Variants in WDFY3 observed in about 807,000 individuals in gnomAD.
WDFY3 encodes WD repeat and FYVE domain-containing protein 3.
WDFY3 carries 66 observed loss-of-function variants against 409.6 expected under a neutral mutation model. That is an observed-to-expected ratio of 0.16 (90% CI 0.13 to 0.20). The LOEUF (loss-of-function observed/expected upper bound fraction) is 0.20. Among genes scored for constraint, WDFY3 ranks in the 10% least tolerant of loss-of-function variants. The probability of loss-of-function intolerance (pLI) is 1.00; values close to 1 mark genes in which losing one functional copy is unlikely to be tolerated. For synonymous variants in WDFY3, 1,521 were observed against 1,537.1 expected, an observed-to-expected ratio of 0.99 and a Z score of 0.25; for missense variants, 3,031 against 4,298.1, an observed-to-expected ratio of 0.71 and a Z score of 8.24.
intron 49 of WDFY3, among the ~76,000 whole-genome samples, chr4:84,716,199 A>G (rs889642870): frequency 1.3e-5 from 2 of 152,014 alleles, no homozygotes; most frequent in East Asian, 3.9e-4. Flanking sequence ...GCACTTTGGG[A>G]GGCCGAGGCA....
At chr4:84,768,853 T>A (rs935625759) in intron 30 of WDFY3, among the ~76,000 whole-genome samples, 2 of 152,198 alleles carry the variant, frequency 1.3e-5, no homozygotes, top group African/African-American at 4.8e-5. Flanking sequence ...ATCTGATGGA[T>A]CTGGCCAAAA....
At chr4:84,922,639 G>A (rs930359007) in intron 2 of WDFY3, among the ~76,000 whole-genome samples, 5 of 151,408 alleles carry the variant, frequency 3.3e-5, no homozygotes, top group East Asian at 1.9e-4. Flanking sequence ...TGCTTTTACC[G>A]AGGCAAAGTC....
At chr4:84,739,988 G>A (rs953211753) in intron 39 of WDFY3, among the ~76,000 whole-genome samples, 199 bp downstream of exon 39, 1 of 151,118 alleles carries the variant, frequency 6.6e-6, no homozygotes, top group South Asian at 2.1e-4. Flanking sequence ...TAAAGGTGTA[G>A]AAAACTAAGT....
At chr4:84,730,494 AG>A (rs1736407942) in intron 44 of WDFY3, among the ~76,000 whole-genome samples, 1 of 152,190 alleles carries the variant, frequency 6.6e-6, no homozygotes, top group African/African-American at 2.4e-5. Context: ...TGATTCAACT[AG>A]GGGACTGTTG....
intron 5 of WDFY3, among the ~76,000 whole-genome samples, chr4:84,847,901 T>G (rs907332946): frequency 8.7e-5 from 13 of 150,040 alleles, no homozygotes; most frequent in African/African-American, 3.2e-4. Context: ...GAAAAACATT[T>G]TTTAAAATGA....
At chr4:84,961,018 C>T (rs1774846238) in intron 1 of WDFY3, among the ~76,000 whole-genome samples, 1 of 152,014 alleles carries the variant, frequency 6.6e-6, no homozygotes, top group Non-Finnish European at 1.5e-5. Flanking sequence ...AATTCGAGAC[C>T]AGCCTGGCTA....
intron 2 of WDFY3, among the ~76,000 whole-genome samples, chr4:84,897,335 T>C (rs1765772210): frequency 6.6e-6 from 1 of 152,192 alleles, no homozygotes; most frequent in Non-Finnish European, 1.5e-5. Flanking sequence ...TTTCAGCTTG[T>C]TGCTAAATAA....
At chr4:84,754,038 G>T (rs988169770) in intron 34 of WDFY3, among the ~76,000 whole-genome samples, 162 bp from the exon 35 acceptor site, 1 of 152,122 alleles carries the variant, frequency 6.6e-6, no homozygotes, top group Non-Finnish European at 1.5e-5. Flanking sequence ...ATACACACAT[G>T]CAAAGAAATT....
intron 2 of WDFY3, among the ~76,000 whole-genome samples, chr4:84,917,399 G>A (rs896978530): frequency 2.6e-5 from 4 of 152,106 alleles, no homozygotes; most frequent in Admixed American, 2.6e-4. Flanking sequence ...ATTTAGTAGG[G>A]AAGTTTTAAA....
intron 50 of WDFY3, among the ~76,000 whole-genome samples, chr4:84,714,548 GA>G (rs1733514831): frequency 6.6e-6 from 1 of 152,152 alleles, no homozygotes; most frequent in East Asian, 1.9e-4. Flanking sequence ...CATGGCCAGA[GA>G]AAAGTCCCAC....
At chr4:84,696,628 T>A in intron 57 of WDFY3, 104 bp downstream of exon 57, 1 of 1,138,526 alleles carries the variant, frequency 8.8e-7, no homozygotes, top group Admixed American at 2.1e-5. Context: ...GACCTGGCTG[T>A]ATTAGTAACA....
chr4:84,688,908 T>A (rs1423666459), intron 61 of WDFY3, among the ~76,000 whole-genome samples: 1 of 152,084 alleles, frequency 6.6e-6, no homozygotes, highest in East Asian at 1.9e-4. Context: ...TGCTGGAATA[T>A]GAAGAGAAAA....
intron 10 of WDFY3, among the ~76,000 whole-genome samples, chr4:84,824,184 C>T (rs987774292): frequency 6.6e-6 from 1 of 152,056 alleles, no homozygotes; most frequent in African/African-American, 2.4e-5. Context: ...GTTTCAGTTA[C>T]CCATGGTTAA....
chr4:84,755,401 C>T lies in WDFY3; in HGVS notation c.5425-1G>A. 1 of 1,605,770 alleles carries T rather than the reference C, an allele frequency of 6.2e-7. No homozygotes were observed. Among genetic ancestry groups the T allele is most frequent in the Non-Finnish European group, 8.5e-7 (1 of 1,178,122 alleles). ...ATGTCCAAATGGAATCCAAATCAAA[C>T]TGCAGAGGTGAAAGGGAGCAAATAT... On this transcript the variant is annotated splice_acceptor_variant, in intron 33 of 67. Coordinates refer to ENST00000295888, the MANE Select transcript of WDFY3 (RefSeq NM_014991.6). LOFTEE classifies it high-confidence loss of function.
chr4:84,806,997 A>C (rs972292805), intron 15 of WDFY3, among the ~76,000 whole-genome samples: 57 of 152,190 alleles, frequency 3.7e-4, no homozygotes, highest in African/African-American at 1.3e-3. Flanking sequence ...AAATGTTTTT[A>C]AACAGCAAAT....
chr4:84,880,532 T>C (rs917755618), intron 3 of WDFY3, among the ~76,000 whole-genome samples: 1 of 150,870 alleles, frequency 6.6e-6, no homozygotes, highest in African/African-American at 2.4e-5. Context: ...ATCATACGAA[T>C]CAGCAATTCC....
chr4:84,866,443 G>C (rs1298607481), intron 3 of WDFY3, among the ~76,000 whole-genome samples: 4 of 152,168 alleles, frequency 2.6e-5, no homozygotes. Context: ...CATCTCCCCA[G>C]GCCAGAGTAG....
chr4:84,684,876 G>A (rs1156579572), intron 62 of WDFY3, among the ~76,000 whole-genome samples: 1 of 152,176 alleles, frequency 6.6e-6, no homozygotes, highest in Non-Finnish European at 1.5e-5. Context: ...AAAGAAAGGA[G>A]GATGCTTTCT....
Position 84,691,801 on chromosome 4 carries a change from C to A in WDFY3, c.9050-16G>T, listed in dbSNP as rs371525349. ...TCTTTGAGTTCTAGAAAAAAGAAAT[C>A]ATGGTATTAGGACAGGAACAGGAAA... is the stretch of plus-strand genomic sequence containing the variant. On this transcript the variant is annotated splice_polypyrimidine_tract_variant and intron_variant, in intron 59 of 67. Coordinates refer to ENST00000295888, the MANE Select transcript of WDFY3 (RefSeq NM_014991.6). 2 of 1,602,894 alleles carry A rather than the reference C, an allele frequency of 1.2e-6. No individual in the cohort carries two copies. Among genetic ancestry groups the A allele is most frequent in the Admixed American group, 1.7e-5 (1 of 58,888 alleles).
Sources: allele counts gnomAD v4.1 joint callset (sites outside exome capture counted in the v4.1 genomes callset), GRCh38; gene constraint gnomAD v4.1.1; transcripts MANE v1.5; gene names NCBI Gene and HGNC (gene_info 2026-07-23, HGNC 2026-07-21).